MEIKIN: variants seen among roughly 807,000 people sequenced by gnomAD.
MEIKIN encodes meiosis-specific kinetochore protein.
chr5:131,893,493 CCTTT>C (rs914460301), intron 8 of MEIKIN, among the ~76,000 whole-genome samples: 3 of 152,214 alleles, frequency 2.0e-5, no homozygotes, highest in African/African-American at 7.2e-5. Flanking sequence ...ATCTGTCACC[CCTTT>C]CTTTGACTAG....
chr5:131,907,398 A>C (rs1191652498), intron 8 of MEIKIN, among the ~76,000 whole-genome samples: 1 of 152,024 alleles, frequency 6.6e-6, no homozygotes, highest in South Asian at 2.1e-4. Context: ...TTGTAAAAAA[A>C]AAACTGACAA....
chr5:131,852,436 G>C (rs1346529165), intron 10 of MEIKIN, among the ~76,000 whole-genome samples: 3 of 152,018 alleles, frequency 2.0e-5, no homozygotes, highest in Non-Finnish European at 4.4e-5. Context: ...CCCAGTCTTG[G>C]GTATGTCTTT....
chr5:131,916,589 A>C (rs1751418880), intron 7 of MEIKIN, among the ~76,000 whole-genome samples: 1 of 152,260 alleles, frequency 6.6e-6, no homozygotes, highest in South Asian at 2.1e-4. Context: ...CAGAGGGCTG[A>C]GAGCCAACTT....
intron 8 of MEIKIN, among the ~76,000 whole-genome samples, chr5:131,906,419 A>G (rs779929136): frequency 3.9e-5 from 6 of 152,204 alleles, no homozygotes; most frequent in Non-Finnish European, 7.3e-5. Flanking sequence ...TGTTAGTGGG[A>G]GTGTAAATTA....
chr5:131,887,844 G>A (rs576034313), intron 8 of MEIKIN, among the ~76,000 whole-genome samples: 119 of 148,724 alleles, frequency 8.0e-4, no homozygotes, highest in African/African-American at 2.9e-3. Context: ...ATCTCCTAAT[G>A]CTATCCCTCA....
chr5:131,844,229 A>G (rs766356109), intron 11 of MEIKIN, among the ~76,000 whole-genome samples: 12 of 152,212 alleles, frequency 7.9e-5, no homozygotes, highest in Non-Finnish European at 1.6e-4. Flanking sequence ...CAATTCAACA[A>G]GAGATTTGGG....
chr5:131,823,761 T>C (rs1338611168), intron 11 of MEIKIN, among the ~76,000 whole-genome samples: 1 of 152,132 alleles, frequency 6.6e-6, no homozygotes, highest in Non-Finnish European at 1.5e-5. Context: ...TTCATCAATG[T>C]ATGGGCATTC....
intron 8 of MEIKIN, among the ~76,000 whole-genome samples, chr5:131,889,194 G>C (rs186697291): frequency 6.6e-6 from 1 of 152,160 alleles, no homozygotes; most frequent in Non-Finnish European, 1.5e-5. Context: ...GGCAATGCAG[G>C]CTCTTTTTTG....
chr5:131,869,419 TC>T (rs36011632), intron 9 of MEIKIN, among the ~76,000 whole-genome samples: 31 of 152,314 alleles, frequency 2.0e-4, no homozygotes, highest in African/African-American at 6.3e-4. Flanking sequence ...GCAGTATCAG[TC>T]CTTTGACTTT....
intron 4 of MEIKIN, among the ~76,000 whole-genome samples, chr5:131,936,131 A>G (rs1188394502): frequency 6.6e-6 from 1 of 152,232 alleles, no homozygotes; most frequent in Admixed American, 6.5e-5. Context: ...AAAGCCCACC[A>G]TCTGGGTAGT....
At chr5:131,907,551 G>A (rs1751261282) in intron 8 of MEIKIN, among the ~76,000 whole-genome samples, 1 of 150,300 alleles carries the variant, frequency 6.7e-6, no homozygotes, top group South Asian at 2.1e-4. Context: ...GTAGACATAT[G>A]CAATCTAGTA....
chr5:131,866,513 T>G (rs1580879417), intron 9 of MEIKIN, among the ~76,000 whole-genome samples: 2 of 151,662 alleles, frequency 1.3e-5, no homozygotes, highest in Admixed American at 6.6e-5. Flanking sequence ...CTGGGAAGAG[T>G]GGGGTTGCTT....
chr5:131,862,016 G>A (rs1408226520), intron 9 of MEIKIN, among the ~76,000 whole-genome samples: 2 of 152,150 alleles, frequency 1.3e-5, no homozygotes, highest in Admixed American at 1.3e-4. Flanking sequence ...AATAGTATGA[G>A]GAAGACTGGT....
chr5:131,818,907 C>T, intron 11 of MEIKIN, 44 bp from the exon 12 acceptor site: 1 of 394,982 alleles, frequency 2.5e-6, no homozygotes, highest in Non-Finnish European at 4.5e-6. Context: ...CCTCCAAATA[C>T]TACATTTGTA....
At chr5:131,902,486 T>C (rs542685918) in intron 8 of MEIKIN, among the ~76,000 whole-genome samples, 201 of 102,452 alleles carry the variant, frequency 2.0e-3, no homozygotes, top group Middle Eastern at 0.018. Context: ...ACCAGGAAGA[T>C]GGTTTCTTGT....
At chr5:131,842,839 T>C (rs1749939390) in intron 11 of MEIKIN, among the ~76,000 whole-genome samples, 1 of 152,332 alleles carries the variant, frequency 6.6e-6, no homozygotes, top group East Asian at 1.9e-4. Flanking sequence ...GTGTAGTCTT[T>C]AACAAATGAT....
chr5:131,854,658 C>T (rs1750165660), intron 10 of MEIKIN, 96 bp downstream of exon 10: 1 of 393,468 alleles, frequency 2.5e-6, no homozygotes, highest in South Asian at 1.3e-4. Context: ...ATATTATTCT[C>T]CATAGGCAAT....
intron 12 of MEIKIN, among the ~76,000 whole-genome samples, chr5:131,808,996 G>A (rs981220970): frequency 2.0e-5 from 3 of 152,234 alleles, no homozygotes; most frequent in South Asian, 4.2e-4. Context: ...CTGGAAGGTC[G>A]AGGCTACAGT....
intron 10 of MEIKIN, 70 bp downstream of exon 10, chr5:131,854,684 G>GA (rs1750166315): frequency 7.6e-6 from 3 of 396,036 alleles, no homozygotes; most frequent in Admixed American, 8.8e-5. Context: ...CCTGATATGA[G>GA]AAAAATAGAA....
Sources: gnomAD v4.1 joint callset for allele counts (sites outside exome capture counted in the v4.1 genomes callset) on GRCh38, gnomAD v4.1.1 for gene constraint, MANE v1.5 for transcripts, NCBI Gene and HGNC (gene_info 2026-07-23, HGNC 2026-07-21) for gene names.